Variants in PDSS1 observed in about 807,000 individuals in gnomAD.
PDSS1 encodes the protein decaprenyl diphosphate synthase subunit 1, also known as all trans-polyprenyl-diphosphate synthase PDSS1.
In PDSS1, 43 loss-of-function variants were observed where a neutral mutation model predicts 57.5. The ratio of observed to expected loss-of-function variants is 0.75; its 90% confidence interval spans 0.59 to 0.96. PDSS1 has a LOEUF of 0.96. PDSS1 is among the 50% of genes least tolerant of loss of function. PDSS1 has a pLI of 0.00. For missense variants in PDSS1, 438 were observed against 527.8 expected, an observed-to-expected ratio of 0.83 and a Z score of 1.67; for synonymous variants, 175 against 191.3, an observed-to-expected ratio of 0.91 and a Z score of 0.70.
intron 10 of PDSS1, 94 bp downstream of exon 10, chr10:26,735,673 T>G: frequency 1.3e-6 from 1 of 766,914 alleles, no homozygotes; most frequent in Non-Finnish European, 2.4e-6. Flanking sequence ...CATAAAGGAA[T>G]AGATGGGAAG....
At chr10:26,730,113 G>C (rs539639266) in intron 8 of PDSS1, among the ~76,000 whole-genome samples, 5 of 151,270 alleles carry the variant, frequency 3.3e-5, no homozygotes, top group South Asian at 2.1e-4. Flanking sequence ...GGGGTTTCAT[G>C]GTGTTAGCCA....
chr10:26,705,386 A>G lies in PDSS1; in HGVS notation c.328A>G (p.Ile110Val). 1.9e-6 allele frequency: 3 copies of G among 1,558,020 alleles called. No homozygotes were observed. The highest frequency in any genetic ancestry group is 1.1e-5 in the South Asian group (1 of 89,556). The part of the protein sequence containing the change: ...WRDLKGLYED[I>V]RKELLISTSE... ...AGACTTGAAAGGTCTGTATGAGGAC[A>G]TTAGAAAGGTGAGTTTTTTATTCTG... Residue 110 changes from isoleucine to valine, a missense_variant, in exon 4 of 12, where the codon ATT becomes GTT. Physicochemically the swap from Ile to Val is conservative, Grantham distance 29. Around this residue, in one of 2 missense-constraint regions of PDSS1, gnomAD observed 284 missense variants for 390.7 expected, o/e 0.73. Transcript: ENST00000376215.
At chr10:26,729,763 C>A (rs1262995215) in intron 8 of PDSS1, among the ~76,000 whole-genome samples, 2 of 152,080 alleles carry the variant, frequency 1.3e-5, no homozygotes, top group African/African-American at 4.8e-5. Context: ...ATATATTAAC[C>A]CATTTATGCC....
rs774757507 is a variant in PDSS1, at chr10:26,735,451, T to A, written c.913-15T>A. 6.4e-7 allele frequency: 1 copy of A among 1,564,714 alleles called. No individual in the cohort carries two copies. Among genetic ancestry groups the A allele is most frequent in the Non-Finnish European group, 8.8e-7 (1 of 1,134,854 alleles). ...CATGGCGGTGCTCCTTACATCCCATTTTTCCTTTTGCCAGCTAATAGATGA... is the reference window on the plus strand; with the variant it reads ...CATGGCGGTGCTCCTTACATCCCATATTTCCTTTTGCCAGCTAATAGATGA... On this transcript the variant is annotated splice_polypyrimidine_tract_variant and intron_variant, in intron 9 of 11. Transcript: ENST00000376215.
chr10:26,734,220 G>A (rs1836311190), intron 8 of PDSS1, among the ~76,000 whole-genome samples: 1 of 152,242 alleles, frequency 6.6e-6, no homozygotes, highest in Admixed American at 6.5e-5. Context: ...TGACGCCTGA[G>A]CAAAGTTCAC....
intron 3 of PDSS1, 86 bp downstream of exon 3, chr10:26,704,827 G>T: frequency 1.3e-6 from 1 of 745,668 alleles, no homozygotes. Flanking sequence ...GTAGCGATGG[G>T]GAGCTCACTG....
At chr10:26,745,143 G>A (rs188590144) in intron 11 of PDSS1, among the ~76,000 whole-genome samples, 268 of 151,810 alleles carry the variant, frequency 1.8e-3, no homozygotes, top group African/African-American at 5.1e-3. Context: ...CAGCCTGGGC[G>A]ACAGAGCAAG....
intron 8 of PDSS1, among the ~76,000 whole-genome samples, chr10:26,725,648 A>C (rs956569428): frequency 6.6e-6 from 1 of 152,054 alleles, no homozygotes; most frequent in African/African-American, 2.4e-5. Flanking sequence ...TGATGGCCCA[A>C]CTCTCCCTGA....
intron 4 of PDSS1, among the ~76,000 whole-genome samples, chr10:26,706,551 T>G (rs1037370873): frequency 3.8e-4 from 58 of 152,350 alleles, no homozygotes; most frequent in African/African-American, 1.3e-3. Flanking sequence ...TCCCTCTGTC[T>G]GCAAACTTTC....
intron 8 of PDSS1, among the ~76,000 whole-genome samples, chr10:26,726,918 C>T (rs193094741): frequency 8.3e-4 from 127 of 152,098 alleles, no homozygotes; most frequent in African/African-American, 2.8e-3. Context: ...AAAAATTAGC[C>T]GGGCGTGGTG....
chr10:26,701,426 G>A (rs1835048700), intron 1 of PDSS1, among the ~76,000 whole-genome samples: 1 of 152,176 alleles, frequency 6.6e-6, no homozygotes, highest in African/African-American at 2.4e-5. Flanking sequence ...TCATGGGCTG[G>A]GCCCAGGGCC....
intron 8 of PDSS1, among the ~76,000 whole-genome samples, chr10:26,734,359 C>T (rs1836316401): frequency 6.6e-6 from 1 of 152,210 alleles, no homozygotes; most frequent in African/African-American, 2.4e-5. Flanking sequence ...TCAACAGAGA[C>T]ATTTCCCCTC....
intron 5 of PDSS1, among the ~76,000 whole-genome samples, chr10:26,710,600 A>G (rs1588676484): frequency 1.1e-5 from 1 of 94,670 alleles, no homozygotes; most frequent in African/African-American, 3.5e-5. Flanking sequence ...TTGGCCTCCC[A>G]AAGTGCTGGG....
At chr10:26,735,639 G>C in intron 10 of PDSS1, 60 bp downstream of exon 10, 1 of 929,822 alleles carries the variant, frequency 1.1e-6, no homozygotes, top group South Asian at 1.3e-5. Flanking sequence ...CTGATGTCCC[G>C]CGGCACAGCT....
At chr10:26,740,035 G>T (rs544188660) in intron 10 of PDSS1, among the ~76,000 whole-genome samples, 9 of 152,160 alleles carry the variant, frequency 5.9e-5, no homozygotes, top group Non-Finnish European at 1.0e-4. Context: ...CCAAGTACTC[G>T]GGAGGCTGAG....
intron 8 of PDSS1, among the ~76,000 whole-genome samples, chr10:26,727,143 A>G (rs1835981254): frequency 6.6e-6 from 1 of 151,926 alleles, no homozygotes; most frequent in Non-Finnish European, 1.5e-5. Context: ...TGCAAAATAC[A>G]TTTTGTACTC....
chr10:26,698,149 C>G (rs1834932426), intron 1 of PDSS1, among the ~76,000 whole-genome samples: 1 of 148,628 alleles, frequency 6.7e-6, no homozygotes, highest in Non-Finnish European at 1.5e-5. Context: ...CAGGAGCGAT[C>G]AGATTGACCG....
chr10:26,725,713 A>T (rs1835930208), intron 8 of PDSS1, among the ~76,000 whole-genome samples: 1 of 152,154 alleles, frequency 6.6e-6, no homozygotes, highest in South Asian at 2.1e-4. Flanking sequence ...ACTTACTAAT[A>T]TTTATCCTTA....
chr10:26,734,563 G>A (rs1329130367), intron 8 of PDSS1: 2 of 401,696 alleles, frequency 5.0e-6, no homozygotes, highest in South Asian at 1.8e-5. Context: ...TTGAAAGGAG[G>A]GAAAAGGGTT....
Sources: allele counts gnomAD v4.1 joint callset (sites outside exome capture counted in the v4.1 genomes callset), GRCh38; gene constraint gnomAD v4.1.1; regional missense constraint gnomAD v4.1.1; transcripts MANE v1.5; gene names NCBI Gene and HGNC (gene_info 2026-07-23, HGNC 2026-07-21).